The following CLYBL variants were observed in gnomAD, a reference collection of about 807,000 sequenced individuals.
CLYBL encodes the protein citramalyl-CoA lyase, mitochondrial.
In CLYBL, 31 loss-of-function variants were observed where a neutral mutation model predicts 38.9. That is an observed-to-expected ratio of 0.80 (90% confidence interval 0.60 to 1.08). The LOEUF is 1.08. Ranked by LOEUF, CLYBL falls within the 50% of genes least tolerant of loss-of-function variation. CLYBL has a pLI of 0.00. For synonymous variants in CLYBL, 171 were observed against 158.6 expected, an observed-to-expected ratio of 1.08 and a Z score of -0.59; for missense variants, 434 against 411.6, an observed-to-expected ratio of 1.05 and a Z score of -0.47.
In CLYBL at chr13:99,849,524, C is replaced by T. The variant is rs1189552110; in HGVS notation, c.250-9337C>T. Among the ~76,000 whole-genome samples the T allele has an allele frequency of 1.3e-5, 2 of 152,152 alleles. No individual in the cohort carries two copies. The highest frequency in any genetic ancestry group is 2.4e-5 in the African/African-American group (1 of 41,434). ...CAAGACCCTGTCTCTTAAAAAAAGTCTGTGCAAAGTGTACGTCAAAGCCAC... is the reference window on the plus strand; with the variant it reads ...CAAGACCCTGTCTCTTAAAAAAAGTTTGTGCAAAGTGTACGTCAAAGCCAC... On this transcript the variant is annotated intron_variant, in intron 2 of 8. Transcript: ENST00000339105. The surrounding 1 kb of genome is among the most constrained non-coding windows in gnomAD (Gnocchi z 4.9).
chr13:99,776,478 A>G (rs2049519118), intron 2 of CLYBL, among the ~76,000 whole-genome samples: 1 of 150,308 alleles, frequency 6.7e-6, no homozygotes, highest in Non-Finnish European at 1.5e-5. Flanking sequence ...CCTGGGTGAC[A>G]GAGCAGGACT....
intron 1 of CLYBL, among the ~76,000 whole-genome samples, chr13:99,752,770 C>G (rs1049773309): frequency 1.3e-5 from 2 of 152,020 alleles, no homozygotes; most frequent in African/African-American, 2.4e-5. Flanking sequence ...ATGGGCCAAG[C>G]TTATGCTTGT....
chr13:99,864,771 G>A (rs1479498270), intron 4 of CLYBL, 47 bp from the exon 5 acceptor site: 2 of 1,322,088 alleles, frequency 1.5e-6, no homozygotes, highest in Middle Eastern at 1.8e-4. Context: ...TCTTCCCTCT[G>A]ACGCACGCGT....
At chr13:99,846,286 A>ATTTT (rs5806139) in intron 2 of CLYBL, among the ~76,000 whole-genome samples, 81 of 108,124 alleles carry the variant, frequency 7.5e-4, no homozygotes, top group Non-Finnish European at 1.1e-3. Flanking sequence ...TTGTGTGGAG[A>ATTTT]TTTTTTTTTT....
At chr13:99,685,909 C>A (rs1458256703) in intron 1 of CLYBL, among the ~76,000 whole-genome samples, 1 of 152,014 alleles carries the variant, frequency 6.6e-6, no homozygotes, top group Admixed American at 6.6e-5. Flanking sequence ...TTGCAGTGAG[C>A]GGAGATTGCG....
chr13:99,758,414 T>C (rs948642549), intron 1 of CLYBL, among the ~76,000 whole-genome samples: 1 of 152,252 alleles, frequency 6.6e-6, no homozygotes, highest in Admixed American at 6.5e-5. Context: ...CTGCTTTGCA[T>C]ATTTTTTGAA....
At chr13:99,876,043 T>C (rs1184682347) in intron 7 of CLYBL, among the ~76,000 whole-genome samples, 2 of 151,174 alleles carry the variant, frequency 1.3e-5, no homozygotes, top group Non-Finnish European at 2.9e-5. Flanking sequence ...CTACAAAGTA[T>C]TGAAATCATA....
chr13:99,842,448 G>T (rs1487099159), intron 2 of CLYBL, among the ~76,000 whole-genome samples: 2 of 152,164 alleles, frequency 1.3e-5, no homozygotes, highest in Non-Finnish European at 2.9e-5. Flanking sequence ...TGAACAGGCT[G>T]CCTCTCGTTG....
At chr13:99,703,145 G>T (rs1243469717) in intron 1 of CLYBL, among the ~76,000 whole-genome samples, 1 of 152,102 alleles carries the variant, frequency 6.6e-6, no homozygotes, top group Non-Finnish European at 1.5e-5. Flanking sequence ...TTATGTTGTG[G>T]CTTGCCATCC....
chr13:99,703,402 A>C (rs2048099036), intron 1 of CLYBL, among the ~76,000 whole-genome samples: 2 of 151,496 alleles, frequency 1.3e-5, no homozygotes, highest in Non-Finnish European at 2.9e-5. Context: ...ATGGAGTCTC[A>C]CTCTGTCGCC....
At chr13:99,698,709 G>C (rs2048016505) in intron 1 of CLYBL, among the ~76,000 whole-genome samples, 1 of 152,214 alleles carries the variant, frequency 6.6e-6, no homozygotes, top group Non-Finnish European at 1.5e-5. Flanking sequence ...AGCCCTGGAA[G>C]ATGATGAAAG....
At chr13:99,718,030 T>C (rs2048343054) in intron 1 of CLYBL, among the ~76,000 whole-genome samples, 1 of 151,980 alleles carries the variant, frequency 6.6e-6, no homozygotes, top group Admixed American at 6.6e-5. Flanking sequence ...CTGTTTTTTG[T>C]TTGTTTGCTT....
At chr13:99,905,008 C>CA (rs1218210509) in intron 8 of CLYBL, among the ~76,000 whole-genome samples, 3 of 151,934 alleles carry the variant, frequency 2.0e-5, no homozygotes, top group Non-Finnish European at 4.4e-5. Context: ...TCTGCTCCCC[C>CA]ACATCTGCCT....
At chr13:99,637,550 C>T (rs939550411) in intron 1 of CLYBL, among the ~76,000 whole-genome samples, 2 of 152,162 alleles carry the variant, frequency 1.3e-5, no homozygotes, top group Non-Finnish European at 2.9e-5. Context: ...CACCTGAGGT[C>T]AGGAGTTCAA....
chr13:99,614,271 G>A (rs1467381098), intron 1 of CLYBL, among the ~76,000 whole-genome samples: 1 of 152,142 alleles, frequency 6.6e-6, no homozygotes, highest in African/African-American at 2.4e-5. Flanking sequence ...TTCTAGAACC[G>A]AGAGAGAGTA....
intron 2 of CLYBL, among the ~76,000 whole-genome samples, chr13:99,773,266 G>A (rs2049438346): frequency 6.6e-6 from 1 of 152,180 alleles, no homozygotes; most frequent in African/African-American, 2.4e-5. Context: ...TAGATAAAAA[G>A]ATGGACAATC....
intron 1 of CLYBL, among the ~76,000 whole-genome samples, chr13:99,764,475 A>G (rs2049229097): frequency 6.6e-6 from 1 of 152,108 alleles, no homozygotes; most frequent in African/African-American, 2.4e-5. Context: ...TGGTAGATGT[A>G]TATGTCTAGG....
At chr13:99,752,529 C>G (rs954426594) in intron 1 of CLYBL, among the ~76,000 whole-genome samples, 2 of 152,032 alleles carry the variant, frequency 1.3e-5, no homozygotes, top group Admixed American at 6.5e-5. Flanking sequence ...GGACAGTGAC[C>G]AAACTAAGCT....
At chr13:99,816,568 C>A (rs1022254697) in intron 2 of CLYBL, among the ~76,000 whole-genome samples, 1 of 152,156 alleles carries the variant, frequency 6.6e-6, no homozygotes. Context: ...GGAAGTGGGG[C>A]CTTTGAGGAG....
Sources: gnomAD v4.1 joint callset for allele counts (sites outside exome capture counted in the v4.1 genomes callset) on GRCh38, gnomAD v4.1.1 for gene constraint, Gnocchi (gnomAD v3.1) non-coding constraint, MANE v1.5 for transcripts, NCBI Gene and HGNC (gene_info 2026-07-23, HGNC 2026-07-21) for gene names.